The following LRRC4C variants were observed in gnomAD, a reference collection of about 807,000 sequenced individuals.
The protein encoded by LRRC4C is leucine rich repeat containing 4C.
Under a neutral mutation model 33.6 loss-of-function variants are expected in LRRC4C, and 5 were observed. That is an observed-to-expected ratio of 0.15 (90% confidence interval 0.08 to 0.31). LRRC4C has a LOEUF of 0.31. LRRC4C is among the 10% of genes least tolerant of loss of function. The pLI is 1.00. For missense variants in LRRC4C, 560 were observed against 796.7 expected (o/e 0.70, Z 3.58); for synonymous variants, 329 against 302.0 (o/e 1.09, Z -0.93).
chr11:40,649,309 T>G (rs1283293939), intron 2 of LRRC4C, among the ~76,000 whole-genome samples: 1 of 151,818 alleles, frequency 6.6e-6, no homozygotes, highest in Non-Finnish European at 1.5e-5. Flanking sequence ...TTTATAGACC[T>G]CCCCCCAAGA....
intron 1 of LRRC4C, among the ~76,000 whole-genome samples, chr11:41,292,573 G>C (rs1484074228): frequency 1.3e-5 from 2 of 151,558 alleles, no homozygotes; most frequent in African/African-American, 4.8e-5. Context: ...ATAATATTTT[G>C]AGTATATTAC....
chr11:40,209,511 T>C (rs1863420052), intron 5 of LRRC4C, among the ~76,000 whole-genome samples: 1 of 152,188 alleles, frequency 6.6e-6, no homozygotes, highest in South Asian at 2.1e-4. Flanking sequence ...ATTAGCCTCT[T>C]TTTTGATGGG....
intron 6 of LRRC4C, among the ~76,000 whole-genome samples, chr11:40,117,014 A>G (rs1855486645): frequency 6.6e-6 from 1 of 152,248 alleles, no homozygotes; most frequent in Non-Finnish European, 1.5e-5. Flanking sequence ...TAATCCTTAC[A>G]ACACTTCTCT....
intron 2 of LRRC4C, among the ~76,000 whole-genome samples, chr11:40,660,607 T>A (rs528802530): frequency 1.1e-4 from 16 of 152,316 alleles, no homozygotes; most frequent in African/African-American, 3.4e-4. Context: ...GCTGAATATG[T>A]CACAGAGCAA....
rs143638336 is a variant in LRRC4C at position 40,681,478 on chromosome 11, C to A, written c.-406-33200G>T. 3.6e-3 allele frequency among the ~76,000 whole-genome samples: 547 copies of A among 152,264 alleles called. 3 individuals carry two copies. Among genetic ancestry groups the A allele is most frequent in the Middle Eastern group, 6.8e-3 (2 of 292 alleles). On this transcript the variant is annotated intron_variant, in intron 2 of 6. Coordinates refer to ENST00000528697, the MANE Select transcript of LRRC4C (RefSeq NM_001258419.2). ...TGTAGGAATTTCTATGTGAGAAAGTCTTTGCACTGGCAATGTGGTAGTGAA... is the reference window on the plus strand; with the variant it reads ...TGTAGGAATTTCTATGTGAGAAAGTATTTGCACTGGCAATGTGGTAGTGAA...
intron 3 of LRRC4C, among the ~76,000 whole-genome samples, chr11:40,623,670 A>T (rs962092828): frequency 1.3e-5 from 2 of 152,108 alleles, no homozygotes; most frequent in African/African-American, 4.8e-5. Flanking sequence ...TAAGGTGCCA[A>T]CTTGTTCCAA....
intron 5 of LRRC4C, among the ~76,000 whole-genome samples, chr11:40,152,429 C>T (rs1858299958): frequency 1.3e-5 from 2 of 152,214 alleles, no homozygotes; most frequent in South Asian, 2.1e-4. Flanking sequence ...TTGAAGGGGG[C>T]GAGAAGCCTC....
chr11:40,528,620 C>G (rs1029172364), intron 3 of LRRC4C, among the ~76,000 whole-genome samples: 1 of 151,998 alleles, frequency 6.6e-6, no homozygotes, highest in Non-Finnish European at 1.5e-5. Flanking sequence ...CCATATGATA[C>G]AGCAATCTTA....
chr11:41,446,454 C>A (rs7930579), intron 1 of LRRC4C, among the ~76,000 whole-genome samples: 2,823 of 152,212 alleles, frequency 0.019, 92 homozygotes, highest in African/African-American at 0.065. Flanking sequence ...CCCAAGTTAG[C>A]CTCACTGGCA....
At chr11:40,987,683 T>TG (rs1853163052) in intron 1 of LRRC4C, among the ~76,000 whole-genome samples, 1 of 137,320 alleles carries the variant, frequency 7.3e-6, no homozygotes, top group South Asian at 2.4e-4. Flanking sequence ...ATGATATATA[T>TG]ATATATATCT....
intron 3 of LRRC4C, among the ~76,000 whole-genome samples, chr11:40,538,018 T>A (rs74486364): frequency 0.02 from 3,102 of 152,242 alleles, 115 homozygotes; most frequent in African/African-American, 0.071. Flanking sequence ...ACTTGCAGCT[T>A]ATTACAGTTT....
intron 4 of LRRC4C, among the ~76,000 whole-genome samples, chr11:40,256,200 T>A (rs1867189680): frequency 1.3e-5 from 2 of 152,064 alleles, no homozygotes; most frequent in African/African-American, 4.8e-5. Flanking sequence ...TTGATTGGAG[T>A]AGAAAACAAT....
chr11:40,995,726 A>C (rs1853921726), intron 1 of LRRC4C, among the ~76,000 whole-genome samples: 1 of 152,168 alleles, frequency 6.6e-6, no homozygotes, highest in Non-Finnish European at 1.5e-5. Context: ...TTCACCCAGC[A>C]GGTAGAATTA....
Position 40,483,791 on chromosome 11 carries a change from ATG to A in LRRC4C, c.-269-164072_-269-164071del, listed in dbSNP as rs1953713921. Among the ~76,000 whole-genome samples, 3 of 150,632 alleles carry A rather than the reference ATG, an allele frequency of 2.0e-5. No individual in the cohort carries two copies. The Admixed American group carries it at 2.0e-4, about 10-fold the overall frequency. ...GAAATGTGTATATATATGTATATAT[ATG>A]TATATATATGTATATGTATGTATAT... is the stretch of plus-strand genomic sequence containing the variant. On this transcript the variant is annotated intron_variant, in intron 3 of 6. Coordinates refer to ENST00000528697, the MANE Select transcript of LRRC4C (RefSeq NM_001258419.2).
intron 3 of LRRC4C, among the ~76,000 whole-genome samples, chr11:40,334,635 A>G (rs1946514809): frequency 6.6e-6 from 1 of 152,318 alleles, no homozygotes; most frequent in African/African-American, 2.4e-5. Flanking sequence ...TGAAGTCACC[A>G]GATAAATCTA....
intron 2 of LRRC4C, among the ~76,000 whole-genome samples, chr11:40,923,827 G>A (rs1957294430): frequency 6.6e-6 from 1 of 152,082 alleles, no homozygotes; most frequent in Admixed American, 6.6e-5. Context: ...CTTATGTAAT[G>A]GACAAGCATT....
chr11:41,309,583 T>A (rs969178826), intron 1 of LRRC4C, among the ~76,000 whole-genome samples: 3 of 152,192 alleles, frequency 2.0e-5, no homozygotes, highest in Non-Finnish European at 4.4e-5. Flanking sequence ...TACTGTCAAA[T>A]CTGAATTGAG....
At chr11:40,691,621 T>C (rs1040016837) in intron 2 of LRRC4C, among the ~76,000 whole-genome samples, 1 of 152,114 alleles carries the variant, frequency 6.6e-6, no homozygotes. Flanking sequence ...AATGGTGAGC[T>C]TAGAGGAAAG....
chr11:40,206,418 T>C (rs1012045325), intron 5 of LRRC4C, among the ~76,000 whole-genome samples: 5 of 151,978 alleles, frequency 3.3e-5, no homozygotes, highest in African/African-American at 1.2e-4. Context: ...GTATTTTTTT[T>C]TTTAGTAGAG....
Sources: gnomAD v4.1 joint callset for allele counts (sites outside exome capture counted in the v4.1 genomes callset) on GRCh38, gnomAD v4.1.1 for gene constraint, MANE v1.5 for transcripts, NCBI Gene and HGNC (gene_info 2026-07-23, HGNC 2026-07-21) for gene names.